MAGI2: variants seen among roughly 807,000 people sequenced by gnomAD.
MAGI2 encodes membrane-associated guanylate kinase, WW and PDZ domain-containing protein 2.
In MAGI2, 35 loss-of-function variants were observed where a neutral mutation model predicts 133.3. That is an observed-to-expected ratio of 0.26 (90% CI 0.20 to 0.35). The LOEUF is 0.35. Ranked by LOEUF, MAGI2 falls within the 10% of genes least tolerant of loss-of-function variation. The probability of loss-of-function intolerance (pLI) is 1.00; values close to 1 mark genes in which losing one functional copy is unlikely to be tolerated. For synonymous variants in MAGI2, 729 were observed against 710.6 expected, an observed-to-expected ratio of 1.03 and a Z score of -0.41; for missense variants, 1,636 against 1,863.4, an observed-to-expected ratio of 0.88 and a Z score of 2.25.
intron 3 of MAGI2, among the ~76,000 whole-genome samples, chr7:78,610,461 G>A (rs1806320111): frequency 6.6e-6 from 1 of 152,188 alleles, no homozygotes; most frequent in African/African-American, 2.4e-5. Flanking sequence ...GAGACCTGGA[G>A]GGTTGAATGA....
At chr7:78,188,415 A>G (rs1473695459) in intron 12 of MAGI2, among the ~76,000 whole-genome samples, 2 of 152,204 alleles carry the variant, frequency 1.3e-5, no homozygotes, top group Non-Finnish European at 1.5e-5. Flanking sequence ...AACATACATT[A>G]TACTAAGGAT....
intron 1 of MAGI2, among the ~76,000 whole-genome samples, chr7:79,031,767 T>C (rs1374915447): frequency 6.6e-6 from 1 of 152,198 alleles, no homozygotes; most frequent in Non-Finnish European, 1.5e-5. Flanking sequence ...TCAAAGCACA[T>C]TTGTTTTGTA....
chr7:79,261,920 A>C (rs531379317), intron 1 of MAGI2, among the ~76,000 whole-genome samples: 442 of 152,300 alleles, frequency 2.9e-3, no homozygotes, highest in African/African-American at 0.01. Context: ...AAAAGTTGCA[A>C]GTAACTTTGT....
At chr7:79,069,213 A>G (rs1472144171) in intron 1 of MAGI2, among the ~76,000 whole-genome samples, 2 of 152,012 alleles carry the variant, frequency 1.3e-5, no homozygotes, top group Non-Finnish European at 2.9e-5. Flanking sequence ...AAATTCTCCT[A>G]CTAGTATTGT....
intron 1 of MAGI2, among the ~76,000 whole-genome samples, chr7:79,220,880 C>G (rs1830396249): frequency 6.6e-6 from 1 of 151,946 alleles, no homozygotes; most frequent in Non-Finnish European, 1.5e-5. Flanking sequence ...TAAGAGTCAC[C>G]TGAGAAAAAA....
chr7:79,123,851 G>A (rs952285922), intron 1 of MAGI2, among the ~76,000 whole-genome samples: 2 of 150,606 alleles, frequency 1.3e-5, no homozygotes, highest in Non-Finnish European at 3.0e-5. Context: ...CTGTAACGTG[G>A]TATCTATTTA....
intron 3 of MAGI2, among the ~76,000 whole-genome samples, chr7:78,539,408 C>A (rs954411291): frequency 6.6e-6 from 1 of 152,052 alleles, no homozygotes; most frequent in Non-Finnish European, 1.5e-5. Flanking sequence ...CTGTTGGATT[C>A]AGTTCACTAG....
intron 14 of MAGI2, among the ~76,000 whole-genome samples, chr7:78,176,908 G>GACTCACACACAC (rs781171770): frequency 2.9e-4 from 38 of 130,482 alleles, no homozygotes; most frequent in African/African-American, 6.0e-4. Flanking sequence ...ACCATATATA[G>GACTCACACACAC]ACACACACAC....
intron 1 of MAGI2, among the ~76,000 whole-genome samples, chr7:79,050,170 A>G (rs6946707): frequency 0.54 from 81,757 of 151,976 alleles, 24,992 homozygotes; most frequent in African/African-American, 0.85. Context: ...TTGTTTTCTC[A>G]TGAATACATG....
intron 6 of MAGI2, among the ~76,000 whole-genome samples, chr7:78,447,391 A>C (rs1788257764): frequency 6.6e-6 from 1 of 151,158 alleles, no homozygotes; most frequent in Non-Finnish European, 1.5e-5. Flanking sequence ...AAAAAAAAAA[A>C]GGCTCCCTGG....
At chr7:78,638,864 G>A (rs1323713660) in intron 2 of MAGI2, among the ~76,000 whole-genome samples, 1 of 152,120 alleles carries the variant, frequency 6.6e-6, no homozygotes, top group African/African-American at 2.4e-5. Flanking sequence ...AATAAAAGGA[G>A]GCTTTTGATT....
chr7:78,157,683 G>C (rs1824532789), intron 16 of MAGI2, among the ~76,000 whole-genome samples: 1 of 152,058 alleles, frequency 6.6e-6, no homozygotes, highest in Non-Finnish European at 1.5e-5. Context: ...TAAACAATTG[G>C]AAAGACTGGA....
chr7:78,947,646 G>A (rs760092416), intron 2 of MAGI2, among the ~76,000 whole-genome samples: 1 of 152,056 alleles, frequency 6.6e-6, no homozygotes, highest in Non-Finnish European at 1.5e-5. Context: ...ACAAAGTAGA[G>A]TTTATATTAT....
intron 2 of MAGI2, among the ~76,000 whole-genome samples, chr7:78,689,774 TAAG>T (rs1233890709): frequency 1.3e-5 from 2 of 149,204 alleles, no homozygotes; most frequent in Non-Finnish European, 3.0e-5. Flanking sequence ...TCCCTTTTAT[TAAG>T]TAGTATTTCA....
At chr7:78,693,090 A>C (rs12540597) in intron 2 of MAGI2, among the ~76,000 whole-genome samples, 7,844 of 152,240 alleles carry the variant, frequency 0.052, 282 homozygotes, top group Non-Finnish European at 0.077. Context: ...CTATGGTAGA[A>C]AAGTGCGCCT....
chr7:78,539,711 G>A (rs1798250716), intron 3 of MAGI2, among the ~76,000 whole-genome samples: 1 of 152,324 alleles, frequency 6.6e-6, no homozygotes, highest in Non-Finnish European at 1.5e-5. Flanking sequence ...GGTTGGTACT[G>A]GGGAATGTCT....
intron 6 of MAGI2, among the ~76,000 whole-genome samples, chr7:78,415,945 T>C (rs897673359): frequency 2.0e-5 from 3 of 152,102 alleles, no homozygotes; most frequent in Non-Finnish European, 4.4e-5. Flanking sequence ...CCAAGATGGA[T>C]AGAAATTTCT....
intron 1 of MAGI2, among the ~76,000 whole-genome samples, chr7:79,325,701 A>T (rs1220543285): frequency 6.6e-6 from 1 of 152,174 alleles, no homozygotes; most frequent in Non-Finnish European, 1.5e-5. Context: ...CGGAGGGTGT[A>T]ATGAAATCCT....
At chr7:79,379,224 T>A (rs1294928783) in intron 1 of MAGI2, among the ~76,000 whole-genome samples, 5 of 151,352 alleles carry the variant, frequency 3.3e-5, no homozygotes, top group Non-Finnish European at 7.4e-5. Flanking sequence ...TGGTTTTTTG[T>A]CCTTGCGATA....
Sources: allele counts gnomAD v4.1 joint callset (sites outside exome capture counted in the v4.1 genomes callset), GRCh38; gene constraint gnomAD v4.1.1; transcripts MANE v1.5; gene names NCBI Gene and HGNC (gene_info 2026-07-23, HGNC 2026-07-21).